The following SERPINB3 variants were observed in gnomAD, a reference collection of about 807,000 sequenced individuals.
The protein encoded by SERPINB3 is serpin B3.
Under a neutral mutation model 33.0 loss-of-function variants are expected in SERPINB3, and 33 were observed. The observed-to-expected ratio is 1.00, with a 90% CI of 0.76 to 1.34. The LOEUF (loss-of-function observed/expected upper bound fraction) is 1.34, where lower values mean the gene tolerates loss of function less well. Among genes scored for constraint, SERPINB3 ranks in the 40% most tolerant of loss-of-function variants. The probability of loss-of-function intolerance (pLI) is 0.00; values close to 1 mark genes in which losing one functional copy is unlikely to be tolerated. For synonymous variants in SERPINB3, 200 were observed against 170.9 expected (o/e 1.17, Z -1.33); for missense variants, 518 against 461.5 (o/e 1.12, Z -1.12).
At chr18:63,660,610 GTCTT>G (rs1913615912) in intron 3 of SERPINB3, 186 bp downstream of exon 3, 1 of 693,384 alleles carries the variant, frequency 1.4e-6, no homozygotes, top group South Asian at 1.8e-5. Context: ...AGTGCTGACT[GTCTT>G]TCAGTAACGA....
chr18:63,656,146 C>T, intron 7 of SERPINB3, 85 bp from the exon 8 acceptor site: 2 of 1,469,062 alleles, frequency 1.4e-6, no homozygotes, highest in Non-Finnish European at 1.8e-6. Context: ...GTGGAGAATC[C>T]TTATTTTGGC....
At position 63,655,898 on chromosome 18, in the gene SERPINB3, T is replaced by A; in HGVS notation, c.932A>T (p.Asp311Val). ...CCCGGTCATGCCTGAGAGGTCTGCA[T>A]CCCCATTGAAGATATCCACCATTCC... ...TMGMVDIFNG[D>V]ADLSGMTGSR... The change falls in exon 8 of 8, where the codon GAT becomes GTT. Residue 311 changes from aspartate (D) to valine (V), a missense_variant. Asp to Val is a radical substitution (Grantham distance 152). Coordinates refer to ENST00000283752, the MANE Select transcript of SERPINB3 (RefSeq NM_006919.3). The A allele has an allele frequency of 3.7e-6, 6 of 1,613,950 alleles. No homozygotes were observed. The highest frequency in any genetic ancestry group is 1.7e-5 in the Admixed American group (1 of 59,968).
Position 63,659,491 on chromosome 18 carries a change from T to G in SERPINB3, c.259A>C (p.Lys87Gln). The G allele has an allele frequency of 1.9e-6, 3 of 1,613,646 alleles. No homozygotes were observed. Among genetic ancestry groups the G allele is most frequent in the Non-Finnish European group, 2.5e-6 (3 of 1,179,680 alleles). The change falls in exon 4 of 8, where the codon AAG (lysine) becomes CAG (glutamine). Residue 87 changes from lysine (K) to glutamine (Q), a missense_variant. Coordinates refer to ENST00000283752, the MANE Select transcript of SERPINB3 (RefSeq NM_006919.3). Reference sequence around the variant, plus strand: ...GATTTGTTGAATTCAGTCAGAAGCTTTTGAAACTGGTGATGAACATTTCCT... The same window carrying G: ...GATTTGTTGAATTCAGTCAGAAGCTGTTGAAACTGGTGATGAACATTTCCT... ...RSGNVHHQFQ[K>Q]LLTEFNKSTD... is the part of the protein sequence containing the mutation.
rs771682375 is a variant in SERPINB3 at position 63,658,533 on chromosome 18, C to T, written c.449G>A (p.Trp150Ter). ...PEESRKKINSWVESQTNEKIK... is the reference protein window; with the variant it reads ...PEESRKKINS ...CCTACCATTCGTTTGACTTTCCACC[C>T]AGGAGTTAATCTTCTTTCGACTTTC... Residue 150 changes from tryptophan (W) to a stop codon, truncating the protein, a stop_gained, in exon 5 of 8, where the codon TGG becomes TAG. Transcript: ENST00000283752. LOFTEE classifies it high-confidence loss of function. 2 of 1,612,684 alleles carry T rather than the reference C, an allele frequency of 1.2e-6. No individual in the cohort carries two copies. The highest frequency in any genetic ancestry group is 2.2e-5 in the East Asian group (1 of 44,822).
rs1913510385 is a variant in SERPINB3 at position 63,656,879 on chromosome 18, A to C, written c.720T>G (p.Asp240Glu). 3.1e-6 allele frequency: 5 copies of C among 1,613,518 alleles called. No individual in the cohort carries two copies. Among genetic ancestry groups the C allele is most frequent in the Non-Finnish European group, 4.2e-6 (5 of 1,179,590 alleles). The change falls in exon 7 of 8, where the codon GAT becomes GAG. Residue 240 changes from aspartate to glutamate, a missense_variant. Physicochemically the swap from Asp to Glu is conservative, Grantham distance 45. Transcript: ENST00000283752. ...TTGGCAGCAACACAATCATGCTTAGATCTTTGCCTTTGTATGGTATTTCCA... is the reference window on the plus strand; with the variant it reads ...TTGGCAGCAACACAATCATGCTTAGCTCTTTGCCTTTGTATGGTATTTCCA... Reference protein sequence around the residue: ...KVLEIPYKGKDLSMIVLLPNE... With the variant: ...KVLEIPYKGKELSMIVLLPNE...
At chr18:63,660,739 C>T in intron 3 of SERPINB3, 61 bp downstream of exon 3, 1 of 1,607,964 alleles carries the variant, frequency 6.2e-7, no homozygotes, top group Non-Finnish European at 8.5e-7. Flanking sequence ...TGTGAAGTTC[C>T]AGGTTCAAAC....
chr18:63,657,007 C>A (rs377354078), intron 6 of SERPINB3, 21 bp from the exon 7 acceptor site: 71 of 1,574,438 alleles, frequency 4.5e-5, no homozygotes, highest in Non-Finnish European at 5.6e-5. Context: ...TCAATGTGTC[C>A]AACAAATACC....
intron 3 of SERPINB3, 70 bp downstream of exon 3, chr18:63,660,730 G>A: frequency 6.2e-7 from 1 of 1,601,904 alleles, no homozygotes; most frequent in East Asian, 2.2e-5. Context: ...CTTAGTTTCT[G>A]TGAAGTTCCA....
Position 63,656,734 on chromosome 18 carries a change from GA to G in SERPINB3, c.768+96del, listed in dbSNP as rs368109102. On this transcript the variant is annotated intron_variant, in intron 7 of 7. Coordinates refer to ENST00000283752, the MANE Select transcript of SERPINB3 (RefSeq NM_006919.3). Reference sequence around the variant, plus strand: ...CTCATTTAGAATTTTTCATTATTTTGAGGCAACTCGGTCACCAGCTTTTACC... The same window carrying G: ...CTCATTTAGAATTTTTCATTATTTTGGGCAACTCGGTCACCAGCTTTTACC... 548 of 1,388,928 alleles carry G rather than the reference GA, an allele frequency of 3.9e-4. 2 individuals carry two copies. In the African/African-American group the frequency reaches 7.0e-3, roughly 18 times the overall value. The allele number at this position is 1,388,928 out of a possible 1,614,324, so 86.0% of individuals were successfully genotyped here. A position where few individuals can be genotyped will look rare whatever the true frequency, so the allele number is the denominator to read the frequency against.
In SERPINB3 at chr18:63,658,701, A is replaced by G. The variant is rs962822001; in HGVS notation, c.352-71T>C. Reference sequence around the variant, plus strand: ...TAACTATATATTACCAAATTTAGTTATTTATAATTATAGTAAGCTGAATCC... The same window carrying G: ...TAACTATATATTACCAAATTTAGTTGTTTATAATTATAGTAAGCTGAATCC... On this transcript the variant is annotated intron_variant, in intron 4 of 7. Transcript: ENST00000283752. 6 of 1,199,740 alleles carry G rather than the reference A, an allele frequency of 5.0e-6. No homozygotes were observed. The African/African-American group carries it at 9.3e-5, about 18-fold the overall frequency. The allele number at this position is 1,199,740 out of a possible 1,614,324, so 74.3% of individuals were successfully genotyped here. A position where few individuals can be genotyped will look rare whatever the true frequency, so the allele number is the denominator to read the frequency against.
intron 1 of SERPINB3, among the ~76,000 whole-genome samples, 173 bp downstream of exon 1, chr18:63,661,673 A>C (rs997984866): frequency 6.6e-5 from 10 of 151,642 alleles, no homozygotes; most frequent in Non-Finnish European, 1.5e-4. Context: ...CTTGGAACTA[A>C]GCAATTTAGA....
In SERPINB3 at chr18:63,657,269, C is replaced by A; in HGVS notation, c.612+1G>T. On this transcript the variant is annotated splice_donor_variant, in intron 6 of 7. Transcript: ENST00000283752. LOFTEE classifies it high-confidence loss of function. ...TTATATAAATAAAATATAGACAATA[C>A]CTTGTTTGGCCAAAATTTTTCCTCT... is the stretch of plus-strand genomic sequence containing the variant. The A allele has an allele frequency of 1.3e-6, 2 of 1,511,830 alleles. No homozygotes were observed. The highest frequency in any genetic ancestry group is 1.2e-5 in the South Asian group (1 of 82,590). 93.7% of individuals were successfully genotyped at this position (1,511,830 alleles called of 1,614,324 possible).
intron 3 of SERPINB3, among the ~76,000 whole-genome samples, chr18:63,660,530 AC>A (rs1485919560): frequency 6.6e-6 from 1 of 152,070 alleles, no homozygotes; most frequent in African/African-American, 2.4e-5. Context: ...GCTCATGTTC[AC>A]CATTTGTGAA....
At chr18:63,660,324 A>G (rs1179049108) in intron 3 of SERPINB3, among the ~76,000 whole-genome samples, 1 of 152,194 alleles carries the variant, frequency 6.6e-6, no homozygotes, top group Non-Finnish European at 1.5e-5. Flanking sequence ...GACTCAATGA[A>G]AATTAAATAT....
At position 63,655,363 on chromosome 18, in the gene SERPINB3, A is replaced by C; in HGVS notation, c.*294T>G. 3.6e-6 allele frequency: 1 copy of C among 276,684 alleles called. No individual in the cohort carries two copies. The highest frequency in any genetic ancestry group is 6.8e-6 in the Non-Finnish European group (1 of 147,518). The allele number at this position is 276,684 out of a possible 1,614,324, so 17.1% of individuals were successfully genotyped here. A position where few individuals can be genotyped will look rare whatever the true frequency, so the allele number is the denominator to read the frequency against. ...TTTGGTTCATTTAAAACAGGTCACA[A>C]ACAGAATTATATTTCAAATTTAGAA... On this transcript the variant is annotated 3_prime_UTR_variant, in exon 8 of 8. Coordinates refer to ENST00000283752, the MANE Select transcript of SERPINB3 (RefSeq NM_006919.3).
chr18:63,660,724 G>C, intron 3 of SERPINB3, 76 bp downstream of exon 3: 1 of 1,598,682 alleles, frequency 6.3e-7, no homozygotes, highest in Non-Finnish European at 8.6e-7. Flanking sequence ...CCTTTTCTTA[G>C]TTTCTGTGAA....
At chr18:63,658,345 AG>A (rs1295000190) in intron 5 of SERPINB3, among the ~76,000 whole-genome samples, 167 bp downstream of exon 5, 1 of 152,064 alleles carries the variant, frequency 6.6e-6, no homozygotes, top group Non-Finnish European at 1.5e-5. Context: ...TGGCTCCCCT[AG>A]GCTCTCTTCA....
intron 1 of SERPINB3, among the ~76,000 whole-genome samples, chr18:63,661,597 A>G (rs1345555963): frequency 1.3e-5 from 2 of 151,858 alleles, no homozygotes; most frequent in African/African-American, 4.8e-5. Flanking sequence ...CGTCCCTGAC[A>G]TCTCCTTCAA....
intron 4 of SERPINB3, among the ~76,000 whole-genome samples, chr18:63,659,065 A>T (rs1255983764): frequency 6.6e-6 from 1 of 152,116 alleles, no homozygotes; most frequent in African/African-American, 2.4e-5. Flanking sequence ...ATAATATCCC[A>T]TTAGTCATAC....
Sources: gnomAD v4.1 joint callset for allele counts (sites outside exome capture counted in the v4.1 genomes callset) on GRCh38, gnomAD v4.1.1 for gene constraint, MANE v1.5 for transcripts, NCBI Gene and HGNC (gene_info 2026-07-23, HGNC 2026-07-21) for gene names.